The following TNNI3K variants were observed in gnomAD, a reference collection of about 807,000 sequenced individuals.
TNNI3K encodes the protein TNNI3 interacting kinase.
TNNI3K carries 140 observed loss-of-function variants against 114.5 expected under a neutral mutation model. The ratio of observed to expected loss-of-function variants is 1.22; its 90% confidence interval spans 1.07 to 1.41. The LOEUF is 1.41. Among genes scored for constraint, TNNI3K ranks in the 40% most tolerant of loss-of-function variants. The pLI, the probability that TNNI3K is intolerant of heterozygous loss-of-function variation, is 0.00. For missense variants in TNNI3K, 1,125 were observed against 1,007.6 expected, an observed-to-expected ratio of 1.12 and a Z score of -1.58; for synonymous variants, 347 against 347.5, an observed-to-expected ratio of 1.00 and a Z score of 0.02.
chr1:74,261,540 T>A (rs1305382696), intron 4 of TNNI3K, among the ~76,000 whole-genome samples: 1 of 152,144 alleles, frequency 6.6e-6, no homozygotes, highest in Non-Finnish European at 1.5e-5. Flanking sequence ...TAGGGCATAC[T>A]TCTTTAGGTG....
At chr1:74,324,553 G>A (rs559514232) in intron 5 of TNNI3K, among the ~76,000 whole-genome samples, 1 of 152,230 alleles carries the variant, frequency 6.6e-6, no homozygotes, top group South Asian at 2.1e-4. Context: ...GTGCTTTTTG[G>A]TGCCTTTGTG....
chr1:74,286,998 A>G (rs1185400181), intron 5 of TNNI3K, among the ~76,000 whole-genome samples: 1 of 152,140 alleles, frequency 6.6e-6, no homozygotes, highest in East Asian at 1.9e-4. Flanking sequence ...ACAAAGAGGT[A>G]GAAACCATAA....
At chr1:74,420,591 C>A (rs1665347267) in intron 17 of TNNI3K, among the ~76,000 whole-genome samples, 1 of 152,110 alleles carries the variant, frequency 6.6e-6, no homozygotes, top group African/African-American at 2.4e-5. Context: ...GAGAACACTG[C>A]AAGCAGCATC....
chr1:74,396,306 T>TC (rs1664076950), intron 17 of TNNI3K, among the ~76,000 whole-genome samples: 1 of 152,130 alleles, frequency 6.6e-6, no homozygotes, highest in African/African-American at 2.4e-5. Flanking sequence ...ATTGAGAATT[T>TC]CCCCGTTCCT....
At chr1:74,342,805 C>T (rs772615998) in intron 7 of TNNI3K, 37 bp from the exon 8 acceptor site, 12 of 1,610,734 alleles carry the variant, frequency 7.5e-6, no homozygotes, top group Non-Finnish European at 1.0e-5. Flanking sequence ...ACAAACAATT[C>T]TAGATAACAT....
intron 23 of TNNI3K, among the ~76,000 whole-genome samples, chr1:74,539,308 G>C (rs1020292269): frequency 3.3e-5 from 5 of 152,132 alleles, no homozygotes; most frequent in Non-Finnish European, 1.5e-5. Flanking sequence ...GAAAGAACTG[G>C]CTTGGGTGCT....
chr1:74,400,954 G>A (rs916626997), intron 17 of TNNI3K, among the ~76,000 whole-genome samples: 1 of 152,204 alleles, frequency 6.6e-6, no homozygotes, highest in African/African-American at 2.4e-5. Flanking sequence ...ATAATTTTAA[G>A]TCTAAGAGAA....
chr1:74,246,732 A>G (rs1490902818), intron 2 of TNNI3K, among the ~76,000 whole-genome samples: 3 of 152,232 alleles, frequency 2.0e-5, no homozygotes, highest in African/African-American at 7.2e-5. Context: ...GAAAGAAGAA[A>G]AAGCTTTGGA....
intron 20 of TNNI3K, among the ~76,000 whole-genome samples, chr1:74,451,340 A>G (rs1314926183): frequency 6.6e-6 from 1 of 152,164 alleles, no homozygotes; most frequent in African/African-American, 2.4e-5. Flanking sequence ...GCAAACCATC[A>G]TGGTACATGT....
Position 74,335,994 on chromosome 1 carries a change from A to G in TNNI3K, c.544-17A>G. On this transcript the variant is annotated splice_polypyrimidine_tract_variant and intron_variant, in intron 6 of 24. Transcript: ENST00000326637. ...GTTTGAATTTTTATACTGATTTCAA[A>G]TGAATAAATCCTTTAGGTAACTCGC... The G allele has an allele frequency of 1.9e-6, 3 of 1,555,680 alleles. No individual in the cohort carries two copies. The highest frequency in any genetic ancestry group is 2.6e-6 in the Non-Finnish European group (3 of 1,159,358).
intron 13 of TNNI3K, 73 bp from the exon 14 acceptor site, chr1:74,368,949 T>G: frequency 1.7e-6 from 2 of 1,168,060 alleles, no homozygotes; most frequent in Admixed American, 2.6e-5. Flanking sequence ...GTTAAATATA[T>G]ATATGCACAT....
chr1:74,343,680 C>A (rs1429735276), intron 9 of TNNI3K, among the ~76,000 whole-genome samples: 1 of 152,140 alleles, frequency 6.6e-6, no homozygotes, highest in African/African-American at 2.4e-5. Flanking sequence ...GGTGGCCACT[C>A]AGATACCTAA....
intron 17 of TNNI3K, among the ~76,000 whole-genome samples, chr1:74,408,876 G>T (rs1192956254): frequency 6.6e-6 from 1 of 151,520 alleles, no homozygotes; most frequent in African/African-American, 2.4e-5. Flanking sequence ...CTATTTTGTA[G>T]AAAACCTATT....
At chr1:74,298,624 C>G (rs1227549911) in intron 5 of TNNI3K, among the ~76,000 whole-genome samples, 2 of 152,052 alleles carry the variant, frequency 1.3e-5, no homozygotes, top group Non-Finnish European at 2.9e-5. Context: ...TTCTCCTTTT[C>G]AATCCTCAAA....
chr1:74,367,889 T>G lies in TNNI3K; in HGVS notation c.1265-19T>G. On this transcript the variant is annotated intron_variant, in intron 12 of 24. Coordinates refer to ENST00000326637, the MANE Select transcript of TNNI3K (RefSeq NM_015978.3). The stretch of plus-strand genomic sequence containing the variant: ...AAATGATCGCTACTTTCAACTCTAT[T>G]ATATAATTTAATTTCTAGATGGCTC... The G allele has an allele frequency of 1.9e-6, 3 of 1,564,990 alleles. No individual in the cohort carries two copies. The highest frequency in any genetic ancestry group is 1.7e-4 in the Middle Eastern group (1 of 5,774).
chr1:74,510,850 C>G (rs1670152224), intron 23 of TNNI3K, among the ~76,000 whole-genome samples: 1 of 152,228 alleles, frequency 6.6e-6, no homozygotes, highest in South Asian at 2.1e-4. Context: ...GATAGCTAGT[C>G]TTGTATTCTT....
chr1:74,316,668 AT>A lies in TNNI3K; in HGVS notation c.445-14772del, dbSNP rs931140583. Among the ~76,000 whole-genome samples the A allele has an allele frequency of 2.8e-3, 414 of 148,306 alleles. 1 individual carries two copies. The highest frequency in any genetic ancestry group is 8.1e-3 in the African/African-American group (330 of 40,576). On this transcript the variant is annotated intron_variant, in intron 5 of 24. Transcript: ENST00000326637. ...TGTCTAATTGCTTCCCTCTTTTATTATTTTTTTTTTAATTTTTATTTATTTA... is the reference window on the plus strand; with the variant it reads ...TGTCTAATTGCTTCCCTCTTTTATTATTTTTTTTTAATTTTTATTTATTTA...
At chr1:74,363,206 T>C (rs1218362888) in intron 11 of TNNI3K, among the ~76,000 whole-genome samples, 2 of 152,068 alleles carry the variant, frequency 1.3e-5, no homozygotes, top group Non-Finnish European at 2.9e-5. Flanking sequence ...TGGCCAAGTG[T>C]CCAGGAGCTG....
At chr1:74,285,437 A>G (rs1328639925) in intron 5 of TNNI3K, among the ~76,000 whole-genome samples, 1 of 151,964 alleles carries the variant, frequency 6.6e-6, no homozygotes, top group Non-Finnish European at 1.5e-5. Flanking sequence ...CACCTTTTCT[A>G]CCCATCCCCA....
Sources: allele counts gnomAD v4.1 joint callset (sites outside exome capture counted in the v4.1 genomes callset), GRCh38; gene constraint gnomAD v4.1.1; transcripts MANE v1.5; gene names NCBI Gene and HGNC (gene_info 2026-07-23, HGNC 2026-07-21).